PKP2: variants seen among roughly 807,000 people sequenced by gnomAD.
PKP2 encodes plakophilin-2.
PKP2 carries 73 observed loss-of-function variants against 83.4 expected under a neutral mutation model. That is an observed-to-expected ratio of 0.88 (90% CI 0.72 to 1.06). The LOEUF (loss-of-function observed/expected upper bound fraction) is 1.06. Among genes scored for constraint, PKP2 ranks in the 50% least tolerant of loss-of-function variants. The pLI is 0.00. For missense variants in PKP2, 966 were observed against 1,065.4 expected (o/e 0.91, Z 1.30); for synonymous variants, 409 against 430.4 (o/e 0.95, Z 0.62).
At chr12:32,871,277 TC>T (rs1268675473) in intron 3 of PKP2, among the ~76,000 whole-genome samples, 1 of 152,010 alleles carries the variant, frequency 6.6e-6, no homozygotes, top group Non-Finnish European at 1.5e-5. Flanking sequence ...AAGACTCAAT[TC>T]AAGTATCTTC....
chr12:32,824,241 T>A, intron 6 of PKP2, 79 bp from the exon 7 acceptor site: 2 of 996,806 alleles, frequency 2.0e-6, no homozygotes, highest in Non-Finnish European at 3.2e-6. Context: ...TTTTACTTGA[T>A]GCTTCTTCCA....
chr12:32,886,703 T>A (rs35389088), intron 1 of PKP2, among the ~76,000 whole-genome samples: 21,412 of 152,208 alleles, frequency 0.14, 1,873 homozygotes, highest in Non-Finnish European at 0.18. Context: ...TTTAGAAAAC[T>A]ATAGTTGGCT....
chr12:32,814,039 G>A (rs773504804), intron 9 of PKP2, among the ~76,000 whole-genome samples: 4 of 152,092 alleles, frequency 2.6e-5, no homozygotes, highest in African/African-American at 4.8e-5. Flanking sequence ...ATCCAAGGAG[G>A]AGACTACTGG....
chr12:32,825,453 G>C (rs996759507), intron 6 of PKP2, among the ~76,000 whole-genome samples: 4 of 152,126 alleles, frequency 2.6e-5, no homozygotes, highest in Non-Finnish European at 5.9e-5. Context: ...TTACAGGCGT[G>C]AGCTACCACG....
intron 7 of PKP2, 123 bp downstream of exon 7, chr12:32,823,922 A>G: frequency 2.7e-6 from 2 of 741,120 alleles, no homozygotes; most frequent in South Asian, 1.4e-5. Context: ...ATTTCTAAGG[A>G]TGAATGGAAG....
intron 6 of PKP2, among the ~76,000 whole-genome samples, chr12:32,838,043 C>A (rs550042224): frequency 6.6e-6 from 1 of 152,114 alleles, no homozygotes; most frequent in South Asian, 2.1e-4. Flanking sequence ...GCATGTTCAT[C>A]GCAGGACTGT....
intron 1 of PKP2, among the ~76,000 whole-genome samples, chr12:32,880,330 G>A (rs574486764): frequency 6.6e-6 from 1 of 152,046 alleles, no homozygotes; most frequent in African/African-American, 2.4e-5. Context: ...AACCCGGGAG[G>A]CAGAGGTTGC....
At position 32,878,336 on chromosome 12, in the gene PKP2, C is replaced by T; in HGVS notation, c.544G>A (p.Glu182Lys). ...SQAGHTLHHQ[E>K]SRRAALLVPP... ...ACTAGGAGGGCGGCCCGCCTGCTTT[C>T]TTGGTGGTGCAGGGTGTGCCCAGCC... Residue 182 changes from glutamate (E) to lysine (K), a missense_variant, in exon 3 of 13, where the codon GAA becomes AAA. By Grantham distance (56) the Glu-to-Lys change is moderately conservative. Transcript: ENST00000340811. 2 of 1,613,134 alleles carry T rather than the reference C, an allele frequency of 1.2e-6. No individual in the cohort carries two copies.
chr12:32,824,471 T>C, intron 6 of PKP2: 1 of 370,472 alleles, frequency 2.7e-6, no homozygotes, highest in Non-Finnish European at 5.1e-6. Flanking sequence ...CAAATGTTTT[T>C]GCAACTAGAA....
At chr12:32,861,799 A>G (rs1956800227) in intron 4 of PKP2, among the ~76,000 whole-genome samples, 1 of 152,240 alleles carries the variant, frequency 6.6e-6, no homozygotes, top group South Asian at 2.1e-4. Context: ...AGGTGGGAAG[A>G]AAAGACTCAT....
At chr12:32,819,455 G>A (rs970276836) in intron 9 of PKP2, among the ~76,000 whole-genome samples, 4 of 152,074 alleles carry the variant, frequency 2.6e-5, no homozygotes, top group Non-Finnish European at 5.9e-5. Context: ...TTTAGTGTAA[G>A]CTTCCATTTA....
chr12:32,842,507 CT>C (rs1956603969), intron 5 of PKP2, among the ~76,000 whole-genome samples: 1 of 152,016 alleles, frequency 6.6e-6, no homozygotes, highest in Non-Finnish European at 1.5e-5. Context: ...TCCCAAAGTG[CT>C]GGGATTACAG....
intron 8 of PKP2, 68 bp downstream of exon 8, chr12:32,822,399 A>G (rs2137776789): frequency 7.5e-7 from 1 of 1,325,242 alleles, no homozygotes; most frequent in South Asian, 1.2e-5. Flanking sequence ...AGACATACAC[A>G]TATACACAAA....
At chr12:32,794,429 G>C (rs774880819) in intron 11 of PKP2, among the ~76,000 whole-genome samples, 12 of 152,294 alleles carry the variant, frequency 7.9e-5, no homozygotes, top group Admixed American at 3.9e-4. Flanking sequence ...CTCTAGTAAG[G>C]AAAGAGCAGC....
intron 4 of PKP2, among the ~76,000 whole-genome samples, chr12:32,868,583 C>T (rs559287774): frequency 2.6e-5 from 4 of 151,604 alleles, no homozygotes; most frequent in South Asian, 2.1e-4. Context: ...AGTGCAGTGG[C>T]GCGAACTCAG....
At chr12:32,883,673 T>C (rs911780602) in intron 1 of PKP2, among the ~76,000 whole-genome samples, 3 of 152,198 alleles carry the variant, frequency 2.0e-5, no homozygotes, top group African/African-American at 4.8e-5. Flanking sequence ...AGTAGGCATC[T>C]TCCCTACATT....
At chr12:32,807,526 C>T (rs535470718) in intron 9 of PKP2, among the ~76,000 whole-genome samples, 1 of 152,266 alleles carries the variant, frequency 6.6e-6, no homozygotes, top group East Asian at 1.9e-4. Flanking sequence ...AGCCCGTTTA[C>T]ATTTAAGGCT....
In PKP2 at chr12:32,792,080, T is replaced by C. The variant is rs1956072402; in HGVS notation, c.*344A>G. 5.5e-6 allele frequency: 2 copies of C among 360,482 alleles called. No individual in the cohort carries two copies. Among genetic ancestry groups the C allele is most frequent in the South Asian group, 4.9e-5 (2 of 40,572 alleles). 22.3% of individuals were successfully genotyped at this position (360,482 alleles called of 1,614,324 possible). On this transcript the variant is annotated 3_prime_UTR_variant, in exon 13 of 13. Transcript: ENST00000340811. The stretch of plus-strand genomic sequence containing the variant: ...AAAGGAATATAAATGTAAATCAAAC[T>C]TTTAAAATCCCAGTAATGCAACAGC...
At chr12:32,838,276 G>A (rs1319893256) in intron 6 of PKP2, among the ~76,000 whole-genome samples, 1 of 152,102 alleles carries the variant, frequency 6.6e-6, no homozygotes, top group Non-Finnish European at 1.5e-5. Flanking sequence ...GCTAAACACT[G>A]GGTACAAATA....
Sources: gnomAD v4.1 joint callset for allele counts (sites outside exome capture counted in the v4.1 genomes callset) on GRCh38, gnomAD v4.1.1 for gene constraint, MANE v1.5 for transcripts, NCBI Gene and HGNC (gene_info 2026-07-23, HGNC 2026-07-21) for gene names.